AFF4: variants seen among roughly 807,000 people sequenced by gnomAD.
AFF4 encodes AF4/FMR2 family member 4.
Under a neutral mutation model 124.8 loss-of-function variants are expected in AFF4, and 13 were observed. The ratio of observed to expected loss-of-function variants is 0.10; its 90% CI spans 0.07 to 0.17. The LOEUF is 0.17. Among genes scored for constraint, AFF4 ranks in the 10% least tolerant of loss-of-function variants. The pLI is 1.00. For synonymous variants in AFF4, 477 were observed against 496.1 expected (o/e 0.96, Z 0.51); for missense variants, 1,092 against 1,403.8 (o/e 0.78, Z 3.55).
Position 132,892,419 on chromosome 5 carries a change from G to A in AFF4, c.2397-15C>T, listed in dbSNP as rs746294786. On this transcript the variant is annotated splice_polypyrimidine_tract_variant and intron_variant, in intron 12 of 20. Coordinates refer to ENST00000265343, the MANE Select transcript of AFF4 (RefSeq NM_014423.4). Reference sequence around the variant, plus strand: ...GCTTAGATGACCTGCCAAACCAAACGAATGCCTTCATTTCTCCACACAGTA... The same window carrying A: ...GCTTAGATGACCTGCCAAACCAAACAAATGCCTTCATTTCTCCACACAGTA... 11 of 1,602,854 alleles carry A rather than the reference G, an allele frequency of 6.9e-6. No homozygotes were observed. The highest frequency in any genetic ancestry group is 1.3e-5 in the African/African-American group (1 of 74,452).
At chr5:132,915,266 G>A (rs924422646) in intron 5 of AFF4, among the ~76,000 whole-genome samples, 12 of 150,966 alleles carry the variant, frequency 7.9e-5, no homozygotes, top group African/African-American at 2.9e-4. Flanking sequence ...GCATGAACCC[G>A]GGAGGCGGAG....
At position 132,931,286 on chromosome 5, in the gene AFF4, G is replaced by A. The variant is rs901531901; in HGVS notation, c.963+892C>T. Among the ~76,000 whole-genome samples, 8 of 148,474 alleles carry A rather than the reference G, an allele frequency of 5.4e-5. No homozygotes were observed. In the South Asian group the frequency reaches 6.4e-4, roughly 12 times the overall value. On this transcript the variant is annotated intron_variant, in intron 4 of 20. Transcript: ENST00000265343. The stretch of plus-strand genomic sequence containing the variant: ...TCTACTAAAAATACAAAAATTAGCT[G>A]GACATGGTGGTGGGCACCTGTAATC...
Position 132,886,335 on chromosome 5 carries a change from G to A in AFF4, c.3074C>T (p.Ser1025Leu). The change falls in exon 18 of 21, where the codon TCA becomes TTA. Residue 1025 changes from serine (S) to leucine (L), a missense_variant. Transcript: ENST00000265343. ...CTTCAGGTGCTCTGTCAGTGTCTTT[G>A]AGTACTTCAGAGCATTTTCCTTCTT... is the stretch of plus-strand genomic sequence containing the variant. Reference protein sequence around the residue: ...KLKKENALKYSKTLTEHLKNS... With the variant: ...KLKKENALKYLKTLTEHLKNS... 2 of 1,614,122 alleles carry A rather than the reference G, an allele frequency of 1.2e-6. No individual in the cohort carries two copies. The highest frequency in any genetic ancestry group is 1.7e-6 in the Non-Finnish European group (2 of 1,180,006).
At chr5:132,927,257 TTA>T in intron 4 of AFF4, 50 bp from the exon 5 acceptor site, 1 of 1,528,948 alleles carries the variant, frequency 6.5e-7, no homozygotes, top group Non-Finnish European at 9.0e-7. Context: ...AGGATAAAAA[TTA>T]TACAGCTAAA....
At chr5:132,962,285 TCA>T (rs955196965) in intron 1 of AFF4, among the ~76,000 whole-genome samples, 26 of 152,200 alleles carry the variant, frequency 1.7e-4, no homozygotes, top group African/African-American at 5.5e-4. Flanking sequence ...TACAGTCTAT[TCA>T]CAGACACCTA....
In AFF4 at chr5:132,896,941, G is replaced by T; in HGVS notation, c.1689C>A (p.Gly563=). The change falls in exon 11 of 21, where the codon GGC becomes GGA. Residue 563 remains glycine, a synonymous_variant. Transcript: ENST00000265343. ...TCTCAGCCTTTTTGGGTTGTTTTTT[G>T]CCTACAGTTCTTCTCTGTGTTGTGC... ...SDSTTQRRTV[G]KKQPKKAEKA... The T allele has an allele frequency of 6.2e-7, 1 of 1,614,016 alleles. No homozygotes were observed. The highest frequency in any genetic ancestry group is 1.1e-5 in the South Asian group (1 of 91,074).
intron 1 of AFF4, among the ~76,000 whole-genome samples, chr5:132,944,285 C>T (rs924780670): frequency 2.0e-5 from 3 of 151,818 alleles, no homozygotes; most frequent in Admixed American, 6.6e-5. Flanking sequence ...TGCAGTGAGC[C>T]GAGATCGTGC....
At chr5:132,914,126 C>T (rs1258048007) in intron 5 of AFF4, among the ~76,000 whole-genome samples, 1 of 151,314 alleles carries the variant, frequency 6.6e-6, no homozygotes, top group Admixed American at 6.6e-5. Context: ...TACTTGGGAG[C>T]CTGAGGCAGG....
At chr5:132,938,289 A>G (rs1761480175) in intron 1 of AFF4, among the ~76,000 whole-genome samples, 1 of 151,098 alleles carries the variant, frequency 6.6e-6, no homozygotes, top group South Asian at 2.1e-4. Flanking sequence ...TTTTTGAAAC[A>G]GAGTCTTGCT....
intron 1 of AFF4, among the ~76,000 whole-genome samples, chr5:132,959,454 T>A (rs1425881550): frequency 1.3e-5 from 2 of 151,394 alleles, no homozygotes; most frequent in African/African-American, 2.4e-5. Context: ...GAATAGCTGA[T>A]AAAGCAGGTA....
At chr5:132,948,689 A>G (rs186944259) in intron 1 of AFF4, 144 of 198,586 alleles carry the variant, frequency 7.3e-4, no homozygotes, top group African/African-American at 3.3e-3. Context: ...AGATGAAACC[A>G]CCTGGTATCT....
rs762331465 is a variant in AFF4 at position 132,885,088 on chromosome 5, G to A, written c.3131C>T (p.Pro1044Leu). ...AAATTTTACCTACCTTCCCAAGCCA[G>A]GCGATGGTGCTTGAGAATTATTATA... The part of the protein sequence containing the change: ...NSYNNSQAPS[P>L]GLGSKAVGMP... Residue 1044 changes from proline to leucine, a missense_variant, in exon 19 of 21, where the codon CCT becomes CTT. Pro to Leu is a moderately conservative substitution (Grantham distance 98). Transcript: ENST00000265343. The A allele has an allele frequency of 1.3e-6, 2 of 1,596,624 alleles. No individual in the cohort carries two copies. Among genetic ancestry groups the A allele is most frequent in the Non-Finnish European group, 1.7e-6 (2 of 1,172,734 alleles).
chr5:132,918,021 G>A (rs890084465), intron 5 of AFF4, among the ~76,000 whole-genome samples: 5 of 151,160 alleles, frequency 3.3e-5, no homozygotes, highest in Admixed American at 1.3e-4. Context: ...TCCAGCCCAT[G>A]AAATGTATTT....
chr5:132,945,281 A>C (rs1761670997), intron 1 of AFF4: 1 of 152,206 alleles, frequency 6.6e-6, no homozygotes, highest in Non-Finnish European at 1.5e-5. Context: ...GTTCAATGGA[A>C]GCGACTTAAC....
chr5:132,957,455 G>A (rs1302112171), intron 1 of AFF4, among the ~76,000 whole-genome samples: 1 of 152,010 alleles, frequency 6.6e-6, no homozygotes, highest in East Asian at 1.9e-4. Flanking sequence ...CAGAAAGGAC[G>A]GGTGCAGTGG....
chr5:132,938,121 A>G (rs181670033), intron 1 of AFF4, among the ~76,000 whole-genome samples: 442 of 152,186 alleles, frequency 2.9e-3, no homozygotes, highest in African/African-American at 7.9e-3. Flanking sequence ...TTTTTAAAAA[A>G]AAAGGCTCAC....
chr5:132,902,493 A>G lies in AFF4; in HGVS notation c.1088-6T>C. ...TTTAGAAGGATTATATCTTTCTGGA[A>G]CAAAAAGAATGAAGTGAGCAACTAA... On this transcript the variant is annotated splice_region_variant and splice_polypyrimidine_tract_variant and intron_variant, in intron 6 of 20. Coordinates refer to ENST00000265343, the MANE Select transcript of AFF4 (RefSeq NM_014423.4). 6.2e-7 allele frequency: 1 copy of G among 1,605,832 alleles called. No homozygotes were observed.
chr5:132,906,483 A>G (rs976859528), intron 5 of AFF4, among the ~76,000 whole-genome samples: 9 of 152,238 alleles, frequency 5.9e-5, no homozygotes, highest in African/African-American at 2.2e-4. Flanking sequence ...TCTTAAAAAC[A>G]TAATGTTAAG....
At chr5:132,941,582 C>G (rs1024127716) in intron 1 of AFF4, among the ~76,000 whole-genome samples, 1 of 152,106 alleles carries the variant, frequency 6.6e-6, no homozygotes, top group African/African-American at 2.4e-5. Context: ...GAGATCTGCT[C>G]ACCTTGGCCT....
Sources: gnomAD v4.1 joint callset for allele counts (sites outside exome capture counted in the v4.1 genomes callset) on GRCh38, gnomAD v4.1.1 for gene constraint, MANE v1.5 for transcripts, NCBI Gene and HGNC (gene_info 2026-07-23, HGNC 2026-07-21) for gene names.